Variants in ZC3H12D observed in about 807,000 individuals in gnomAD.
The protein encoded by ZC3H12D is probable ribonuclease ZC3H12D.
Under a neutral mutation model 24.2 loss-of-function variants are expected in ZC3H12D, and 11 were observed. The observed-to-expected ratio is 0.46, with a 90% CI of 0.29 to 0.75. ZC3H12D has a LOEUF of 0.75. ZC3H12D is among the 30% of genes least tolerant of loss of function. ZC3H12D has a pLI of 0.11. For synonymous variants in ZC3H12D, 333 were observed against 341.8 expected (o/e 0.97, Z 0.28); for missense variants, 740 against 767.7 (o/e 0.96, Z 0.43).
rs1775976436 is a variant in ZC3H12D at position 149,456,153 on chromosome 6, G to A, written c.680+513C>T. Among the ~76,000 whole-genome samples, 1 of 152,010 alleles carries A rather than the reference G, an allele frequency of 6.6e-6. No individual in the cohort carries two copies. On this transcript the variant is annotated intron_variant, in intron 4 of 5. Coordinates refer to ENST00000409806, the MANE Select transcript of ZC3H12D (RefSeq NM_207360.3). This position sits in a 1 kb window ranked among gnomAD's most constrained non-coding sequence, Gnocchi z 4.3. The stretch of plus-strand genomic sequence containing the variant: ...TATAATCTCAGCTACTCGGGAGGCT[G>A]AGGCAGGAGAATTGCTTGAACCTGG...
intron 1 of ZC3H12D, among the ~76,000 whole-genome samples, chr6:149,480,294 C>T (rs1229069247): frequency 6.6e-6 from 1 of 152,242 alleles, no homozygotes; most frequent in East Asian, 1.9e-4. Flanking sequence ...GGTACATATA[C>T]ATCACAGAAT....
At chr6:149,471,515 C>A (rs1315095848) in intron 2 of ZC3H12D, among the ~76,000 whole-genome samples, 1 of 152,216 alleles carries the variant, frequency 6.6e-6, no homozygotes, top group East Asian at 1.9e-4. Context: ...TCTGTAATGT[C>A]TCATTCTATG....
intron 1 of ZC3H12D, among the ~76,000 whole-genome samples, chr6:149,476,661 A>G (rs558918008): frequency 6.6e-6 from 1 of 152,168 alleles, no homozygotes; most frequent in African/African-American, 2.4e-5. Flanking sequence ...TACAAAAATT[A>G]GCGGGGCATG....
intron 4 of ZC3H12D, among the ~76,000 whole-genome samples, chr6:149,454,318 C>T (rs1041877740): frequency 2.0e-5 from 3 of 152,224 alleles, no homozygotes; most frequent in Non-Finnish European, 4.4e-5. Flanking sequence ...ACTTCCAGGT[C>T]ATACAAAGGT....
At chr6:149,478,956 G>A (rs772546267) in intron 1 of ZC3H12D, among the ~76,000 whole-genome samples, 7 of 152,160 alleles carry the variant, frequency 4.6e-5, no homozygotes, top group African/African-American at 9.7e-5. Flanking sequence ...ACAGGCTGCC[G>A]AGGTTGTCAC....
intron 3 of ZC3H12D, among the ~76,000 whole-genome samples, chr6:149,457,324 G>A (rs141872860): frequency 6.6e-6 from 1 of 152,330 alleles, no homozygotes; most frequent in East Asian, 1.9e-4. Context: ...ATGACGGGGA[G>A]CCTGGCATTC....
intron 4 of ZC3H12D, among the ~76,000 whole-genome samples, chr6:149,455,363 C>T (rs906698716): frequency 1.1e-4 from 16 of 152,226 alleles, no homozygotes; most frequent in African/African-American, 3.6e-4. Flanking sequence ...AAGACAGATA[C>T]AGTCCCGGCC....
rs1775886118 is a variant in ZC3H12D at position 149,451,085 on chromosome 6, C to T, written c.1182G>A (p.Pro394=). The change falls in exon 6 of 6, where the codon CCG becomes CCA. Residue 394 remains proline (P), a synonymous_variant. Coordinates refer to ENST00000409806, the MANE Select transcript of ZC3H12D (RefSeq NM_207360.3). The part of the protein sequence containing the change: ...RVPGPLSLPS[P]ESQFSPGDLP... Reference sequence around the variant, plus strand: ...GGTCGCCCGGGGAGAACTGGCTCTCCGGGCTAGGGAGGCTGAGCGGGCCTG... The same window carrying T: ...GGTCGCCCGGGGAGAACTGGCTCTCTGGGCTAGGGAGGCTGAGCGGGCCTG... 1 of 1,386,986 alleles carries T rather than the reference C, an allele frequency of 7.2e-7. No homozygotes were observed. Among genetic ancestry groups the T allele is most frequent in the South Asian group, 1.7e-5 (1 of 60,308 alleles). 85.9% of individuals were successfully genotyped at this position (1,386,986 alleles called of 1,614,324 possible).
At chr6:149,458,095 T>A (rs1336293794) in intron 3 of ZC3H12D, among the ~76,000 whole-genome samples, 1 of 141,968 alleles carries the variant, frequency 7.0e-6, no homozygotes, top group Admixed American at 6.8e-5. Context: ...GAGAATCATT[T>A]TCTTTCTTTC....
intron 4 of ZC3H12D, among the ~76,000 whole-genome samples, chr6:149,454,069 T>A (rs1055775930): frequency 6.6e-6 from 1 of 152,158 alleles, no homozygotes; most frequent in Non-Finnish European, 1.5e-5. Flanking sequence ...TGCCTGCACA[T>A]ACAGCCACCT....
chr6:149,458,127 T>TCCTTC (rs1776015757), intron 3 of ZC3H12D, among the ~76,000 whole-genome samples: 1 of 112,182 alleles, frequency 8.9e-6, no homozygotes, highest in Non-Finnish European at 1.7e-5. Flanking sequence ...TTTTTTCGTT[T>TCCTTC]CTTTTTTTTT....
chr6:149,461,772 A>G (rs376757), intron 3 of ZC3H12D, 59 bp downstream of exon 3: 519,956 of 1,491,934 alleles, frequency 0.35, 93,125 homozygotes, highest in African/African-American at 0.46. Flanking sequence ...TATCGATGTT[A>G]GAAGTGCACC....
intron 2 of ZC3H12D, among the ~76,000 whole-genome samples, chr6:149,471,644 T>G (rs1049364303): frequency 2.0e-5 from 3 of 152,268 alleles, no homozygotes; most frequent in Non-Finnish European, 2.9e-5. Flanking sequence ...GTGTATATCA[T>G]TTCAGGCCAT....
chr6:149,483,704 T>G (rs1776458388), intron 1 of ZC3H12D, among the ~76,000 whole-genome samples: 1 of 152,164 alleles, frequency 6.6e-6, no homozygotes, highest in South Asian at 2.1e-4. Flanking sequence ...CACACTCCCA[T>G]GGCTGGCAGG....
chr6:149,456,666 C>A lies in ZC3H12D; in HGVS notation c.680G>T (p.Arg227Leu). Residue 227 changes from arginine to leucine, a missense_variant and splice_region_variant, in exon 4 of 6, where the codon CGG becomes CTG. Arg to Leu is a moderately radical substitution (Grantham distance 102). Transcript: ENST00000409806. The surrounding 1 kb of genome is among the most constrained non-coding windows in gnomAD (Gnocchi z 4.3). ...GTGTCAGGACCCCAGCCGGACCTAC[C>A]GGTCGTTGACGAAGGAGAACATGAG... Reference protein sequence around the residue: ...RLLMFSFVNDRFMPPDDPLGR... With the variant: ...RLLMFSFVNDLFMPPDDPLGR... 6.2e-7 allele frequency: 1 copy of A among 1,612,078 alleles called. No homozygotes were observed. The highest frequency in any genetic ancestry group is 8.5e-7 in the Non-Finnish European group (1 of 1,178,896).
chr6:149,456,622 C>CCCCCCCCCCCCCCCCCCCGGGGGGGGG lies in ZC3H12D; in HGVS notation c.680+43_680+44insCCCCCCCCCGGGGGGGGGGGGGGGGGG. 3.8e-6 allele frequency: 5 copies of CCCCCCCCCCCCCCCCCCCGGGGGGGGG among 1,314,352 alleles called. No homozygotes were observed. The highest frequency in any genetic ancestry group is 2.4e-5 in the East Asian group (1 of 42,326). The allele number at this position is 1,314,352 out of a possible 1,614,324, so 81.4% of individuals were successfully genotyped here. On this transcript the variant is annotated intron_variant, in intron 4 of 5. Coordinates refer to ENST00000409806, the MANE Select transcript of ZC3H12D (RefSeq NM_207360.3). This position sits in a 1 kb window ranked among gnomAD's most constrained non-coding sequence, Gnocchi z 4.3. Reference sequence around the variant, plus strand: ...GGCCACTGCCTCGACCCCGGCCCCCCGCCCCGCCGCCCCCCAGGGTGTCAG... The same window carrying CCCCCCCCCCCCCCCCCCCGGGGGGGGG: ...GGCCACTGCCTCGACCCCGGCCCCCCCCCCCCCCCCCCCCCCCCGGGGGGGGGGCCCCGCCGCCCCCCAGGGTGTCAG...
At chr6:149,481,478 C>T (rs569625727) in intron 1 of ZC3H12D, among the ~76,000 whole-genome samples, 2 of 151,538 alleles carry the variant, frequency 1.3e-5, no homozygotes, top group South Asian at 2.2e-4. Context: ...GATTATCAAC[C>T]GATTCTCCTG....
intron 2 of ZC3H12D, among the ~76,000 whole-genome samples, chr6:149,470,213 A>G (rs1776223148): frequency 6.6e-6 from 1 of 152,128 alleles, no homozygotes; most frequent in South Asian, 2.1e-4. Context: ...ACAAAAAATT[A>G]GCCAGGCATA....
Sources: gnomAD v4.1 joint callset for allele counts (sites outside exome capture counted in the v4.1 genomes callset) on GRCh38, gnomAD v4.1.1 for gene constraint, Gnocchi (gnomAD v3.1) non-coding constraint, MANE v1.5 for transcripts, NCBI Gene and HGNC (gene_info 2026-07-23, HGNC 2026-07-21) for gene names.